PLAT: variants seen among roughly 807,000 people sequenced by gnomAD.
PLAT encodes tissue-type plasminogen activator.
PLAT carries 48 observed loss-of-function variants against 74.9 expected under a neutral mutation model. That is an observed-to-expected ratio of 0.64 (90% CI 0.51 to 0.82). PLAT has a LOEUF of 0.82. Ranked by LOEUF, PLAT falls within the 40% of genes least tolerant of loss-of-function variation. The pLI is 0.00. For synonymous variants in PLAT, 307 were observed against 294.4 expected (o/e 1.04, Z -0.44); for missense variants, 673 against 736.2 (o/e 0.91, Z 0.99).
Position 42,175,886 on chromosome 8 carries a change from T to A in PLAT, c.*107A>T. 1 of 1,037,878 alleles carries A rather than the reference T, an allele frequency of 9.6e-7. No homozygotes were observed. Among genetic ancestry groups the A allele is most frequent in the Non-Finnish European group, 1.4e-6 (1 of 689,776 alleles). 64.3% of individuals were successfully genotyped at this position (1,037,878 alleles called of 1,614,324 possible). On this transcript the variant is annotated 3_prime_UTR_variant, in exon 14 of 14. Transcript: ENST00000220809. ...GTAGGGTCTCGTCCCGCTTCTGCGG[T>A]GTGGTGGGTCTGGAGAAGTCTGTAG...
intron 9 of PLAT, 105 bp from the exon 10 acceptor site, chr8:42,180,790 T>C (rs1805211449): frequency 2.6e-6 from 2 of 757,934 alleles, no homozygotes; most frequent in African/African-American, 3.5e-5. Context: ...CAACTTTCAC[T>C]TGGTGGGATC....
chr8:42,176,885 A>C (rs1804992518), intron 13 of PLAT, among the ~76,000 whole-genome samples: 1 of 151,140 alleles, frequency 6.6e-6, no homozygotes, highest in African/African-American at 2.5e-5. Context: ...ATTGAATGTT[A>C]GAAGTGTTTT....
intron 5 of PLAT, 103 bp from the exon 6 acceptor site, chr8:42,187,675 G>A (rs1429013880): frequency 2.6e-6 from 3 of 1,173,714 alleles, no homozygotes; most frequent in South Asian, 3.0e-5. Context: ...CCTGATGCAG[G>A]CTGGCTCGGA....
chr8:42,193,225 A>T lies in PLAT; in HGVS notation c.-26-14T>A. 6.4e-7 allele frequency: 1 copy of T among 1,551,258 alleles called. No individual in the cohort carries two copies. The highest frequency in any genetic ancestry group is 1.1e-5 in the South Asian group (1 of 89,882). On this transcript the variant is annotated splice_polypyrimidine_tract_variant and intron_variant, in intron 1 of 13. Coordinates refer to ENST00000220809, the MANE Select transcript of PLAT (RefSeq NM_000930.5). The stretch of plus-strand genomic sequence containing the variant: ...GTCCCTTAAATTCTGGAAGGAGAGA[A>T]AAAACAGCTTGATCACGGGGTGCGA...
chr8:42,182,345 A>C lies in PLAT; in HGVS notation c.804-323T>G. 1.5e-5 allele frequency: 3 copies of C among 194,114 alleles called. 1 individual carries two copies. Among genetic ancestry groups the C allele is most frequent in the South Asian group, 1.3e-4 (3 of 22,986 alleles). The allele number at this position is 194,114 out of a possible 1,614,324, so 12.0% of individuals were successfully genotyped here. ...TTGCAGCACACCCCCACCCTAGGAGAACTTCTCTTTAACTTTGTTACCCAG... is the reference window on the plus strand; with the variant it reads ...TTGCAGCACACCCCCACCCTAGGAGCACTTCTCTTTAACTTTGTTACCCAG... On this transcript the variant is annotated intron_variant, in intron 8 of 13. Coordinates refer to ENST00000220809, the MANE Select transcript of PLAT (RefSeq NM_000930.5).
chr8:42,193,048 G>C, intron 2 of PLAT, 66 bp downstream of exon 2: 1 of 1,137,544 alleles, frequency 8.8e-7, no homozygotes, highest in South Asian at 1.2e-5. Context: ...GATGGACACA[G>C]ACCCCTGGAG....
intron 2 of PLAT, 76 bp from the exon 3 acceptor site, chr8:42,191,490 G>A: frequency 7.2e-7 from 1 of 1,398,522 alleles, no homozygotes; most frequent in South Asian, 1.2e-5. Flanking sequence ...CAACCCAGAA[G>A]CCCATGTGAA....
At chr8:42,191,204 G>T (rs1296960608) in intron 3 of PLAT, among the ~76,000 whole-genome samples, 168 bp downstream of exon 3, 1 of 152,216 alleles carries the variant, frequency 6.6e-6, no homozygotes, top group Non-Finnish European at 1.5e-5. Context: ...CAGCTGATGG[G>T]AGAATGGTGC....
chr8:42,179,913 T>A lies in PLAT; in HGVS notation c.1363+13A>T. On this transcript the variant is annotated intron_variant, in intron 12 of 13. Coordinates refer to ENST00000220809, the MANE Select transcript of PLAT (RefSeq NM_000930.5). ...CCGCAGACAGGATGGGGCCGAGACTTCCTTCCACTTACAGGCCTCATGCTT... is the reference window on the plus strand; with the variant it reads ...CCGCAGACAGGATGGGGCCGAGACTACCTTCCACTTACAGGCCTCATGCTT... The A allele has an allele frequency of 6.4e-7, 1 of 1,570,778 alleles. No homozygotes were observed. Among genetic ancestry groups the A allele is most frequent in the Non-Finnish European group, 8.7e-7 (1 of 1,153,584 alleles).
chr8:42,203,832 A>G (rs1806224613), intron 1 of PLAT, among the ~76,000 whole-genome samples: 1 of 151,908 alleles, frequency 6.6e-6, no homozygotes, highest in Non-Finnish European at 1.5e-5. Context: ...TGGATATGGC[A>G]GCATGCCCCT....
chr8:42,189,124 C>G, intron 3 of PLAT, 53 bp from the exon 4 acceptor site: 1 of 1,589,058 alleles, frequency 6.3e-7, no homozygotes, highest in African/African-American at 1.3e-5. Flanking sequence ...AATGAAATGC[C>G]TCACTACCCT....
intron 1 of PLAT, 99 bp from the exon 2 acceptor site, chr8:42,193,310 C>T: frequency 1.4e-6 from 1 of 724,278 alleles, no homozygotes; most frequent in South Asian, 1.6e-5. Flanking sequence ...TGGCTTCCTC[C>T]AGTGCCAGCC....
chr8:42,191,448 C>T, intron 2 of PLAT, 34 bp from the exon 3 acceptor site: 1 of 1,608,614 alleles, frequency 6.2e-7, no homozygotes, highest in Non-Finnish European at 8.5e-7. Context: ...GAAGGATCAG[C>T]ACATGCCAGG....
chr8:42,178,805 G>A (rs1405627281), intron 13 of PLAT, 92 bp downstream of exon 13: 2 of 1,219,410 alleles, frequency 1.6e-6, no homozygotes, highest in East Asian at 2.3e-5. Flanking sequence ...ACTCCACTCT[G>A]GTGATAACTT....
At position 42,185,097 on chromosome 8, in the gene PLAT, G is replaced by T; in HGVS notation, c.615C>A (p.Thr205=). ...GCCACTTACCCTCAGAGCAGGCAGGGGTGCTGCAGAACTCTGAGCTGTACT... is the reference window on the plus strand; with the variant it reads ...GCCACTTACCCTCAGAGCAGGCAGGTGTGCTGCAGAACTCTGAGCTGTACT... ...AGKYSSEFCS[T]PACSEGNSDC... Residue 205 remains threonine, a synonymous_variant, in exon 7 of 14, where the codon ACC becomes ACA. Transcript: ENST00000220809. 8.7e-6 allele frequency: 14 copies of T among 1,608,522 alleles called. No individual in the cohort carries two copies. The highest frequency in any genetic ancestry group is 1.2e-5 in the Non-Finnish European group (14 of 1,177,184).
Position 42,193,775 on chromosome 8 carries a change from G to C in PLAT, c.-26-564C>G, listed in dbSNP as rs540091099. 14 of 152,884 alleles carry C rather than the reference G, an allele frequency of 9.2e-5. No homozygotes were observed. In the South Asian group the frequency reaches 2.7e-3, roughly 29 times the overall value. The allele number at this position is 152,884 out of a possible 1,614,324, so 9.5% of individuals were successfully genotyped here. A position where few individuals can be genotyped will look rare whatever the true frequency, so the allele number is the denominator to read the frequency against. On this transcript the variant is annotated intron_variant, in intron 1 of 13. Transcript: ENST00000220809. ...CTGTCGCCCAGGCTGGAGTGCAGTG[G>C]TGTGATCTCGGCTCACTACAAGCTC...
chr8:42,186,587 C>T (rs1805466542), intron 6 of PLAT: 2 of 152,334 alleles, frequency 1.3e-5, no homozygotes, highest in East Asian at 1.9e-4. Context: ...GGCACATGTC[C>T]TCAGGACCTC....
intron 6 of PLAT, chr8:42,186,880 A>G (rs904535987): frequency 1.0e-5 from 1 of 98,588 alleles, no homozygotes; most frequent in Non-Finnish European, 2.3e-5. Flanking sequence ...TCTATCATCT[A>G]TTTATCATTA....
In PLAT at chr8:42,204,510, G is replaced by A. The variant is rs113685954; in HGVS notation, c.-27+2984C>T. ...TCCCAATACTTTGCGAGGCCAAGGC[G>A]GGCAGATCACTTGAGGTCAGGTGTT... On this transcript the variant is annotated intron_variant, in intron 1 of 13. Coordinates refer to ENST00000220809, the MANE Select transcript of PLAT (RefSeq NM_000930.5). Among the ~76,000 whole-genome samples, 770 of 151,506 alleles carry A rather than the reference G, an allele frequency of 5.1e-3. 11 individuals carry two copies. Among genetic ancestry groups the A allele is most frequent in the African/African-American group, 0.017 (720 of 41,220 alleles).
Sources: allele counts gnomAD v4.1 joint callset (sites outside exome capture counted in the v4.1 genomes callset), GRCh38; gene constraint gnomAD v4.1.1; transcripts MANE v1.5; gene names NCBI Gene and HGNC (gene_info 2026-07-23, HGNC 2026-07-21).